ATP9B: variants seen among roughly 807,000 people sequenced by gnomAD.
The protein encoded by ATP9B is ATPase phospholipid transporting 9B.
In ATP9B, 110 loss-of-function variants were observed where a neutral mutation model predicts 146.1. The observed-to-expected ratio is 0.75, with a 90% CI of 0.65 to 0.88. The LOEUF (loss-of-function observed/expected upper bound fraction) is 0.88, where lower values mean the gene tolerates loss of function less well. Ranked by LOEUF, ATP9B falls within the 40% of genes least tolerant of loss-of-function variation. ATP9B has a pLI of 0.00. For missense variants in ATP9B, 1,499 were observed against 1,496.4 expected, an observed-to-expected ratio of 1.00 and a Z score of -0.03; for synonymous variants, 604 against 569.7, an observed-to-expected ratio of 1.06 and a Z score of -0.86.
chr18:79,213,528 T>C (rs2095602141), intron 10 of ATP9B, among the ~76,000 whole-genome samples: 1 of 152,158 alleles, frequency 6.6e-6, no homozygotes, highest in Non-Finnish European at 1.5e-5. Context: ...TACTTTGATC[T>C]TTACAGTGGA....
chr18:79,359,806 T>G (rs1387608913), intron 26 of ATP9B: 1 of 262,962 alleles, frequency 3.8e-6, no homozygotes, highest in African/African-American at 2.2e-5. Flanking sequence ...CTGTGTAATT[T>G]CTGTAGAAAG....
At chr18:79,315,714 G>A (rs542199008) in intron 15 of ATP9B, among the ~76,000 whole-genome samples, 33 of 152,268 alleles carry the variant, frequency 2.2e-4, no homozygotes, top group African/African-American at 7.9e-4. Context: ...TCTCTCATAT[G>A]ATATTACTTC....
intron 9 of ATP9B, among the ~76,000 whole-genome samples, chr18:79,202,565 G>T (rs772481065): frequency 1.3e-5 from 2 of 152,168 alleles, no homozygotes; most frequent in Middle Eastern, 3.2e-3. Context: ...CCCCCAAGCA[G>T]ATTTTATCTG....
chr18:79,270,844 G>A (rs2096246794), intron 12 of ATP9B, among the ~76,000 whole-genome samples: 1 of 152,196 alleles, frequency 6.6e-6, no homozygotes, highest in Non-Finnish European at 1.5e-5. Context: ...TTCAGGCACA[G>A]GCCCCTCTGT....
chr18:79,310,835 C>T (rs964002769), intron 15 of ATP9B, among the ~76,000 whole-genome samples: 6 of 152,074 alleles, frequency 3.9e-5, no homozygotes, highest in African/African-American at 1.2e-4. Context: ...TATATATGCA[C>T]GCTAGCACCC....
chr18:79,184,850 C>A (rs1393150761), intron 8 of ATP9B, among the ~76,000 whole-genome samples: 1 of 152,056 alleles, frequency 6.6e-6, no homozygotes, highest in East Asian at 1.9e-4. Context: ...TCCAAGAATT[C>A]TAGGGTCCCT....
chr18:79,356,240 T>C (rs956886052), intron 25 of ATP9B, among the ~76,000 whole-genome samples: 1 of 152,150 alleles, frequency 6.6e-6, no homozygotes, highest in Non-Finnish European at 1.5e-5. Context: ...AGAAACTGGA[T>C]AGCTCTTACA....
intron 1 of ATP9B, chr18:79,085,545 A>G (rs570451232): frequency 2.1e-3 from 325 of 152,338 alleles, no homozygotes; most frequent in African/African-American, 7.6e-3. Context: ...CATGTGAGAT[A>G]CTGATTTTTC....
intron 5 of ATP9B, among the ~76,000 whole-genome samples, chr18:79,132,367 G>A (rs1481083779): frequency 1.3e-5 from 2 of 152,206 alleles, no homozygotes; most frequent in Non-Finnish European, 2.9e-5. Context: ...AACATTCAGA[G>A]TACGAGTTCT....
intron 26 of ATP9B, among the ~76,000 whole-genome samples, chr18:79,369,756 G>A (rs917253938): frequency 1.3e-5 from 2 of 152,174 alleles, no homozygotes; most frequent in Admixed American, 6.5e-5. Context: ...GCTTCCGTAC[G>A]AATAACTGTA....
chr18:79,256,374 C>G (rs1210901233), intron 12 of ATP9B, among the ~76,000 whole-genome samples: 1 of 148,978 alleles, frequency 6.7e-6, no homozygotes, highest in Non-Finnish European at 1.5e-5. Context: ...TTATAAACAG[C>G]ATTAGCTAGG....
At chr18:79,191,851 A>G (rs948975169) in intron 8 of ATP9B, among the ~76,000 whole-genome samples, 1 of 152,048 alleles carries the variant, frequency 6.6e-6, no homozygotes. Flanking sequence ...TTGTTTCTTC[A>G]TATGTTTAGA....
chr18:79,333,235 G>A (rs1450368747), intron 17 of ATP9B, among the ~76,000 whole-genome samples: 1 of 152,200 alleles, frequency 6.6e-6, no homozygotes. Flanking sequence ...AGAAAGGTCA[G>A]ATGCCCAAAG....
chr18:79,139,829 C>A (rs1308089500), intron 5 of ATP9B, among the ~76,000 whole-genome samples: 1 of 152,182 alleles, frequency 6.6e-6, no homozygotes, highest in African/African-American at 2.4e-5. Context: ...CTCCCACTAA[C>A]CTTCCCAGCC....
intron 7 of ATP9B, among the ~76,000 whole-genome samples, chr18:79,166,450 T>C (rs1394301941): frequency 1.3e-5 from 2 of 152,206 alleles, no homozygotes; most frequent in Non-Finnish European, 2.9e-5. Flanking sequence ...AAATGATGCA[T>C]GGTCCTCTGT....
rs1055802323 is a variant in ATP9B at position 79,148,827 on chromosome 18, G to T, written c.726+4967G>T. Among the ~76,000 whole-genome samples the T allele has an allele frequency of 5.3e-5, 8 of 152,226 alleles. No homozygotes were observed. In the South Asian group the frequency reaches 8.3e-4, roughly 16 times the overall value. ...ATACATATATGTTGAAAACCCCAACGGATCTATAGAAAATCTCCTGGAACT... is the reference window on the plus strand; with the variant it reads ...ATACATATATGTTGAAAACCCCAACTGATCTATAGAAAATCTCCTGGAACT... On this transcript the variant is annotated intron_variant, in intron 6 of 29. Coordinates refer to ENST00000426216, the MANE Select transcript of ATP9B (RefSeq NM_198531.5).
intron 11 of ATP9B, among the ~76,000 whole-genome samples, chr18:79,241,155 G>A (rs2095884091): frequency 6.6e-6 from 1 of 152,188 alleles, no homozygotes; most frequent in South Asian, 2.1e-4. Context: ...AGTTATTAGT[G>A]TGGAGTTAGT....
At chr18:79,368,778 C>T (rs1048396044) in intron 26 of ATP9B, among the ~76,000 whole-genome samples, 5 of 151,984 alleles carry the variant, frequency 3.3e-5, no homozygotes, top group African/African-American at 7.2e-5. Context: ...CTGCCCACCC[C>T]TTTGCTGTAG....
chr18:79,217,243 G>A (rs1234806321), intron 11 of ATP9B, among the ~76,000 whole-genome samples: 2 of 152,170 alleles, frequency 1.3e-5, no homozygotes, highest in African/African-American at 4.8e-5. Flanking sequence ...GGAGTGCGGT[G>A]GCGCAATCTC....
Sources: allele counts gnomAD v4.1 joint callset (sites outside exome capture counted in the v4.1 genomes callset), GRCh38; gene constraint gnomAD v4.1.1; transcripts MANE v1.5; gene names NCBI Gene and HGNC (gene_info 2026-07-23, HGNC 2026-07-21).